The following MBNL3 variants were observed in gnomAD, a reference collection of about 807,000 sequenced individuals.
The protein encoded by MBNL3 is muscleblind like splicing regulator 3.
MBNL3 carries 6 observed loss-of-function variants against 24.5 expected under a neutral mutation model. That is an observed-to-expected ratio of 0.25 (90% CI 0.13 to 0.48). The LOEUF (loss-of-function observed/expected upper bound fraction) is 0.48, where lower values mean the gene tolerates loss of function less well. Ranked by LOEUF, MBNL3 falls within the 20% of genes least tolerant of loss-of-function variation. The pLI is 0.99. For synonymous variants in MBNL3, 100 were observed against 101.7 expected, an observed-to-expected ratio of 0.98 and a Z score of 0.10; for missense variants, 230 against 293.5, an observed-to-expected ratio of 0.78 and a Z score of 1.58.
In MBNL3 at chrX:132,396,937, C is replaced by CAT. The variant is rs746298907; in HGVS notation, c.343-4605_343-4604dup. Among the ~76,000 whole-genome samples, 497 of 70,885 alleles carry CAT rather than the reference C, an allele frequency of 7.0e-3. 2 individuals carry two copies. Among genetic ancestry groups the CAT allele is most frequent in the Non-Finnish European group, 1.0e-2 (394 of 39,464 alleles). 61.6% of individuals were successfully genotyped at this position (70,885 alleles called of 115,157 possible). A position where few individuals can be genotyped will look rare whatever the true frequency, so the allele number is the denominator to read the frequency against. ...ATACATATATATTCATATATACATT[C>CAT]ATATATATATTCATATATATTCATA... On this transcript the variant is annotated intron_variant, in intron 3 of 8. Transcript: ENST00000370853.
intron 3 of MBNL3, among the ~76,000 whole-genome samples, chrX:132,394,674 A>G (rs1017666009): frequency 7.1e-5 from 8 of 112,584 alleles, no homozygotes; most frequent in Admixed American, 6.6e-4. Context: ...GTTATTAATC[A>G]CTAATAAATG....
At chrX:132,392,456 T>C (rs905811650) in intron 3 of MBNL3, 122 bp from the exon 4 acceptor site, 3 of 581,570 alleles carry the variant, frequency 5.2e-6, no homozygotes, top group African/African-American at 2.3e-5. Context: ...ACTATTGTTT[T>C]CTTCTGATTT....
intron 2 of MBNL3, among the ~76,000 whole-genome samples, chrX:132,423,959 C>T (rs184938434): frequency 1.8e-5 from 2 of 111,906 alleles, no homozygotes; most frequent in East Asian, 5.6e-4. Flanking sequence ...TTACATTCTT[C>T]CCAAAAGGCT....
chrX:132,386,283 G>A (rs1193309388), intron 6 of MBNL3, among the ~76,000 whole-genome samples: 3 of 111,576 alleles, frequency 2.7e-5, no homozygotes, highest in Non-Finnish European at 3.8e-5. Context: ...TATTGACAAC[G>A]CATTTCCATA....
At chrX:132,480,056 C>A (rs983564484) in intron 1 of MBNL3, among the ~76,000 whole-genome samples, 1 of 111,249 alleles carries the variant, frequency 9.0e-6, no homozygotes, top group East Asian at 2.8e-4. Flanking sequence ...TGGATGTGAA[C>A]CCAGCCTCGA....
At chrX:132,475,302 A>G (rs1397673689) in intron 1 of MBNL3, among the ~76,000 whole-genome samples, 1 of 112,184 alleles carries the variant, frequency 8.9e-6, no homozygotes, top group East Asian at 2.8e-4. Flanking sequence ...TGTTACATCA[A>G]GATGGGTAAC....
chrX:132,386,905 C>A, intron 5 of MBNL3, 94 bp from the exon 6 acceptor site: 1 of 1,010,216 alleles, frequency 9.9e-7, no homozygotes. Context: ...CCTGGGAATC[C>A]TCCGTAAGGG....
At chrX:132,414,484 A>G (rs1198021149) in intron 2 of MBNL3, among the ~76,000 whole-genome samples, 1 of 111,976 alleles carries the variant, frequency 8.9e-6, no homozygotes, top group Non-Finnish European at 1.9e-5. Flanking sequence ...CAAGAGAGGA[A>G]CCTCAAAAGC....
chrX:132,429,843 G>A (rs541028818), intron 2 of MBNL3: 1 of 111,828 alleles, frequency 8.9e-6, no homozygotes, highest in African/African-American at 3.2e-5. Flanking sequence ...TTGGAAGAAC[G>A]CCGGAGTCAT....
At chrX:132,416,256 G>A (rs1943282006) in intron 2 of MBNL3, among the ~76,000 whole-genome samples, 2 of 112,101 alleles carry the variant, frequency 1.8e-5, no homozygotes, top group African/African-American at 6.5e-5. Context: ...GCAACAGCAT[G>A]ATTGGAAGTG....
chrX:132,407,070 AT>A (rs1231101982), intron 2 of MBNL3, among the ~76,000 whole-genome samples: 2 of 112,181 alleles, frequency 1.8e-5, no homozygotes, highest in African/African-American at 3.2e-5. Flanking sequence ...GGCCACCTGA[AT>A]TCCCGAGAGA....
At chrX:132,489,919 C>T (rs1450208651), upstream of MBNL3, 1 of 112,360 alleles carries the variant, frequency 8.9e-6, no homozygotes, top group Non-Finnish European at 1.9e-5. Flanking sequence ...CTCACTGCTC[C>T]CAAAGAGCGC....
chrX:132,411,673 T>G (rs1313227205), intron 2 of MBNL3, among the ~76,000 whole-genome samples: 1 of 111,709 alleles, frequency 9.0e-6, no homozygotes, highest in African/African-American at 3.3e-5. Context: ...TCCCCATTTA[T>G]CTCTCCCTCC....
Position 132,376,953 on chromosome X carries a change from C to G in MBNL3, c.*2713G>C, listed in dbSNP as rs1056618496. On this transcript the variant is annotated 3_prime_UTR_variant, in exon 9 of 9. Transcript: ENST00000370853. ...AAAAATACAGTGGCCCTAAATACCC[C>G]TCACGGAACCTTTTACTTTAAGGTA... The G allele has an allele frequency of 1.8e-5, 2 of 111,443 alleles. No homozygotes were observed. Among genetic ancestry groups the G allele is most frequent in the African/African-American group, 6.5e-5 (2 of 30,651 alleles). 9.2% of individuals were successfully genotyped at this position (111,443 alleles called of 1,213,427 possible). A position where few individuals can be genotyped will look rare whatever the true frequency, so the allele number is the denominator to read the frequency against.
At chrX:132,456,915 A>G (rs1164989036) in intron 1 of MBNL3, among the ~76,000 whole-genome samples, 2 of 111,858 alleles carry the variant, frequency 1.8e-5, no homozygotes, top group Admixed American at 9.5e-5. Flanking sequence ...TCATCATTCA[A>G]AAGAACATGT....
intron 2 of MBNL3, among the ~76,000 whole-genome samples, chrX:132,408,480 A>G (rs902683982): frequency 9.0e-5 from 10 of 111,179 alleles, no homozygotes; most frequent in Non-Finnish European, 5.7e-5. Context: ...GATAAGTTAA[A>G]AAAAGAAAAA....
At chrX:132,394,151 C>A (rs754216132) in intron 3 of MBNL3, among the ~76,000 whole-genome samples, 1 of 111,343 alleles carries the variant, frequency 9.0e-6, no homozygotes, top group African/African-American at 3.3e-5. Context: ...GGAAAGGGAA[C>A]GCCAGGTGCC....
At chrX:132,483,068 A>G (rs962072686) in intron 1 of MBNL3, among the ~76,000 whole-genome samples, 4 of 112,752 alleles carry the variant, frequency 3.5e-5, no homozygotes, top group African/African-American at 1.3e-4. Flanking sequence ...TACTTAGGGG[A>G]AAATGCTGAC....
At chrX:132,474,728 T>C (rs916247992) in intron 1 of MBNL3, among the ~76,000 whole-genome samples, 4 of 111,900 alleles carry the variant, frequency 3.6e-5, no homozygotes, top group African/African-American at 1.3e-4. Context: ...ATCTAAGTCA[T>C]CTCTATCCTA....
Sources: allele counts gnomAD v4.1 joint callset (sites outside exome capture counted in the v4.1 genomes callset), GRCh38; gene constraint gnomAD v4.1.1; transcripts MANE v1.5; gene names NCBI Gene and HGNC (gene_info 2026-07-23, HGNC 2026-07-21).